The following ZNF385D variants were observed in gnomAD, a reference collection of about 807,000 sequenced individuals.
ZNF385D encodes zinc finger protein 385D, also known as zinc finger protein 659.
Under a neutral mutation model 35.8 loss-of-function variants are expected in ZNF385D, and 15 were observed. The observed-to-expected ratio is 0.42, with a 90% confidence interval of 0.28 to 0.64. ZNF385D has a LOEUF of 0.64. ZNF385D is among the 30% of genes least tolerant of loss of function. The pLI is 0.23. For synonymous variants in ZNF385D, 212 were observed against 186.8 expected (o/e 1.13, Z -1.10); for missense variants, 474 against 494.6 (o/e 0.96, Z 0.39).
intron 2 of ZNF385D, among the ~76,000 whole-genome samples, chr3:21,633,530 A>G (rs1371450301): frequency 1.3e-5 from 2 of 152,146 alleles, no homozygotes; most frequent in Admixed American, 6.6e-5. Context: ...TGGATAAATT[A>G]TCAAGAGATT....
intron 2 of ZNF385D, among the ~76,000 whole-genome samples, chr3:22,286,722 C>G (rs142463306): frequency 3.5e-4 from 53 of 152,138 alleles, no homozygotes; most frequent in African/African-American, 1.2e-3. Context: ...TTACTGATTT[C>G]TAGTTTTGTT....
intron 1 of ZNF385D, among the ~76,000 whole-genome samples, chr3:21,750,380 G>A (rs1217692327): frequency 6.6e-6 from 1 of 152,194 alleles, no homozygotes; most frequent in Non-Finnish European, 1.5e-5. Flanking sequence ...TAGCTAGACA[G>A]AGCACTGAGA....
At chr3:21,963,752 T>C (rs1400119259) in intron 3 of ZNF385D, among the ~76,000 whole-genome samples, 1 of 152,178 alleles carries the variant, frequency 6.6e-6, no homozygotes, top group Non-Finnish European at 1.5e-5. Flanking sequence ...TTTATGTTTT[T>C]CTTCTCCTCA....
chr3:21,847,536 TAA>T (rs891266946), intron 3 of ZNF385D, among the ~76,000 whole-genome samples: 1 of 152,040 alleles, frequency 6.6e-6, no homozygotes, highest in African/African-American at 2.4e-5. Flanking sequence ...TTTAGATTAC[TAA>T]AAAAGAGGGG....
intron 3 of ZNF385D, among the ~76,000 whole-genome samples, chr3:21,560,651 C>G (rs909016120): frequency 1.3e-5 from 2 of 152,190 alleles, no homozygotes; most frequent in African/African-American, 2.4e-5. Context: ...GCAGTCTGAC[C>G]CTTAGCAGAG....
At position 22,194,783 on chromosome 3, in the gene ZNF385D, G is replaced by C. The variant is rs568572931; in HGVS notation, c.107-25748C>G. Among the ~76,000 whole-genome samples, 5 of 151,866 alleles carry C rather than the reference G, an allele frequency of 3.3e-5. No individual in the cohort carries two copies. The South Asian group carries it at 1.0e-3, about 32-fold the overall frequency. The stretch of plus-strand genomic sequence containing the variant: ...CCTTTGAGACTGGCTTTTTAACTCA[G>C]GCTGATGGTTTTTAGATACTTCCAA... On this transcript the variant is annotated intron_variant, in intron 2 of 5. Coordinates refer to the ZNF385D transcript ENST00000494108.
chr3:21,868,519 T>C (rs1423661074), intron 3 of ZNF385D, among the ~76,000 whole-genome samples: 2 of 152,134 alleles, frequency 1.3e-5, no homozygotes, highest in Non-Finnish European at 2.9e-5. Context: ...GAATCATCCT[T>C]AATAAGAAAT....
chr3:22,046,245 A>T (rs1266888475), intron 3 of ZNF385D, among the ~76,000 whole-genome samples: 1 of 149,884 alleles, frequency 6.7e-6, no homozygotes, highest in East Asian at 2.2e-4. Flanking sequence ...TGTAGATTAG[A>T]TAAACTTCTA....
chr3:21,547,620 G>C (rs1201896225), intron 3 of ZNF385D, among the ~76,000 whole-genome samples: 2 of 141,208 alleles, frequency 1.4e-5, no homozygotes, highest in Non-Finnish European at 3.1e-5. Flanking sequence ...GTTTTGTTTT[G>C]TTTTTTTTTT....
In ZNF385D at chr3:22,158,052, C is replaced by T. The variant is rs557086833; in HGVS notation, c.325+10765G>A. ...TGTAAGATGAAAGAGGGAATTACAG[C>T]GCACATTACAAAGCCAACAAATTCA... On this transcript the variant is annotated intron_variant, in intron 3 of 5. Transcript: ENST00000494108. 1.8e-4 allele frequency among the ~76,000 whole-genome samples: 28 copies of T among 152,192 alleles called. 1 individual carries two copies. Among genetic ancestry groups the T allele is most frequent in the South Asian group, 8.3e-4 (4 of 4,828 alleles).
At chr3:21,880,512 T>C (rs1698220639) in intron 3 of ZNF385D, among the ~76,000 whole-genome samples, 1 of 152,012 alleles carries the variant, frequency 6.6e-6, no homozygotes, top group Non-Finnish European at 1.5e-5. Context: ...CATTGATAAA[T>C]GTTGTGTCTG....
chr3:21,519,625 C>G (rs1197683185), intron 3 of ZNF385D, among the ~76,000 whole-genome samples: 1 of 152,168 alleles, frequency 6.6e-6, no homozygotes, highest in Non-Finnish European at 1.5e-5. Context: ...TCTAATCTAG[C>G]TAAAAGGAAG....
At chr3:21,580,852 G>A (rs1241988444) in intron 2 of ZNF385D, among the ~76,000 whole-genome samples, 1 of 151,918 alleles carries the variant, frequency 6.6e-6, no homozygotes, top group East Asian at 1.9e-4. Flanking sequence ...GCTGATTTAT[G>A]TAACCATATT....
At chr3:22,276,427 C>T (rs1701430856) in intron 2 of ZNF385D, among the ~76,000 whole-genome samples, 2 of 152,032 alleles carry the variant, frequency 1.3e-5, no homozygotes, top group Admixed American at 6.6e-5. Flanking sequence ...TTAAAAGATA[C>T]ATTACTGGAC....
At chr3:22,007,611 A>G (rs183783525) in intron 3 of ZNF385D, among the ~76,000 whole-genome samples, 1 of 152,314 alleles carries the variant, frequency 6.6e-6, no homozygotes, top group East Asian at 1.9e-4. Flanking sequence ...GCCATGTATG[A>G]AAGTAGGTAT....
At chr3:22,252,290 TA>T (rs1700101484) in intron 2 of ZNF385D, among the ~76,000 whole-genome samples, 1 of 152,032 alleles carries the variant, frequency 6.6e-6, no homozygotes, top group South Asian at 2.1e-4. Context: ...TTTATACCAA[TA>T]AACTAATTTT....
At chr3:22,272,736 A>G (rs956128743) in intron 2 of ZNF385D, among the ~76,000 whole-genome samples, 8 of 152,034 alleles carry the variant, frequency 5.3e-5, no homozygotes, top group Non-Finnish European at 1.0e-4. Flanking sequence ...ACTGTATGTA[A>G]ATAATTGTAT....
At chr3:22,184,886 CATAG>C (rs1242636381) in intron 2 of ZNF385D, among the ~76,000 whole-genome samples, 1 of 152,102 alleles carries the variant, frequency 6.6e-6, no homozygotes, top group African/African-American at 2.4e-5. Flanking sequence ...TTTGTGGCTC[CATAG>C]ATACCTGTTT....
chr3:21,961,867 T>A (rs185085274), intron 3 of ZNF385D, among the ~76,000 whole-genome samples: 1 of 152,116 alleles, frequency 6.6e-6, no homozygotes, highest in African/African-American at 2.4e-5. Context: ...GAGATAAAAA[T>A]GACCATAGAG....
Sources: allele counts gnomAD v4.1 joint callset (sites outside exome capture counted in the v4.1 genomes callset), GRCh38; gene constraint gnomAD v4.1.1; transcripts MANE v1.5; gene names NCBI Gene and HGNC (gene_info 2026-07-23, HGNC 2026-07-21).